ADGRE5: variants seen among roughly 807,000 people sequenced by gnomAD.
ADGRE5 encodes the protein CD97 molecule.
In ADGRE5, 72 loss-of-function variants were observed where a neutral mutation model predicts 100.3. The ratio of observed to expected loss-of-function variants is 0.72; its 90% CI spans 0.59 to 0.87. The LOEUF is 0.87. ADGRE5 is among the 40% of genes least tolerant of loss of function. The probability of loss-of-function intolerance (pLI) is 0.00; values close to 1 mark genes in which losing one functional copy is unlikely to be tolerated. For synonymous variants in ADGRE5, 439 were observed against 447.8 expected (o/e 0.98, Z 0.25); for missense variants, 959 against 1,094.7 (o/e 0.88, Z 1.75).
At chr19:14,384,567 GT>G (rs991258806) in intron 1 of ADGRE5, among the ~76,000 whole-genome samples, 26 of 152,004 alleles carry the variant, frequency 1.7e-4, no homozygotes, top group African/African-American at 5.8e-4. Flanking sequence ...GGGACTGGAC[GT>G]CCCCTCCCAG....
At chr19:14,381,659 G>A in intron 1 of ADGRE5, 114 bp downstream of exon 1, 2 of 1,275,168 alleles carry the variant, frequency 1.6e-6, no homozygotes, top group Non-Finnish European at 2.2e-6. Flanking sequence ...GATAGAGGAA[G>A]CCACATGGTC....
rs1975592655 is a variant in ADGRE5 at position 14,391,252 on chromosome 19, G to A, written c.346+173G>A. Reference sequence around the variant, plus strand: ...CCACCCCAGAGAGGCAGAGTGATGTGAGGATTAAGGGCTGACTCTGGGACC... The same window carrying A: ...CCACCCCAGAGAGGCAGAGTGATGTAAGGATTAAGGGCTGACTCTGGGACC... On this transcript the variant is annotated intron_variant, in intron 4 of 19. Transcript: ENST00000242786. 8 of 802,954 alleles carry A rather than the reference G, an allele frequency of 1.0e-5. No homozygotes were observed. In the South Asian group the frequency reaches 1.1e-4, roughly 11 times the overall value. The allele number at this position is 802,954 out of a possible 1,614,324, so 49.7% of individuals were successfully genotyped here.
intron 1 of ADGRE5, among the ~76,000 whole-genome samples, chr19:14,383,102 C>T (rs1599606203): frequency 2.0e-5 from 3 of 152,228 alleles, no homozygotes; most frequent in African/African-American, 7.2e-5. Flanking sequence ...GCTCAGGAGG[C>T]TGAGGTGGGA....
At chr19:14,398,732 C>T (rs1975888641) in intron 9 of ADGRE5, among the ~76,000 whole-genome samples, 1 of 150,848 alleles carries the variant, frequency 6.6e-6, no homozygotes, top group South Asian at 2.1e-4. Flanking sequence ...TTCAAATCCC[C>T]CCATTGCCAC....
rs1011451693 is a variant in ADGRE5, at chr19:14,401,928, C to G, written c.1183+168C>G. On this transcript the variant is annotated intron_variant, in intron 11 of 19. Transcript: ENST00000242786. The surrounding 1 kb of genome is among the most constrained non-coding windows in gnomAD (Gnocchi z 4.1). The stretch of plus-strand genomic sequence containing the variant: ...GGTAGATCGCTTGAGCTCAGAAGTT[C>G]AAGACCAGCCTGGGCAACATGGTGA... Among the ~76,000 whole-genome samples the G allele has an allele frequency of 1.3e-5, 2 of 152,098 alleles. No homozygotes were observed. Among genetic ancestry groups the G allele is most frequent in the African/African-American group, 4.8e-5 (2 of 41,406 alleles).
At chr19:14,387,734 A>T (rs1219257829) in intron 1 of ADGRE5, among the ~76,000 whole-genome samples, 1 of 151,838 alleles carries the variant, frequency 6.6e-6, no homozygotes, top group African/African-American at 2.4e-5. Flanking sequence ...TTTCAAAAAA[A>T]AAAATTATTT....
At chr19:14,404,630 T>A in intron 13 of ADGRE5, 68 bp downstream of exon 13, 3 of 1,472,768 alleles carry the variant, frequency 2.0e-6, no homozygotes, top group Non-Finnish European at 2.8e-6. Flanking sequence ...GACAGGCAGC[T>A]AGTTCTCCAT....
intron 18 of ADGRE5, among the ~76,000 whole-genome samples, 157 bp downstream of exon 18, chr19:14,407,386 G>A (rs907315493): frequency 6.6e-6 from 1 of 152,036 alleles, no homozygotes; most frequent in Non-Finnish European, 1.5e-5. Context: ...CCAGGGTGAG[G>A]CGCCTGTAAT....
chr19:14,402,952 A>G, intron 12 of ADGRE5, 90 bp downstream of exon 12: 1 of 1,317,520 alleles, frequency 7.6e-7, no homozygotes. Flanking sequence ...TCCCGACGTG[A>G]CTCAGTCTTT....
intron 18 of ADGRE5, 94 bp downstream of exon 18, chr19:14,407,323 C>A: frequency 7.2e-7 from 1 of 1,392,744 alleles, no homozygotes; most frequent in Non-Finnish European, 1.0e-6. Context: ...AAGTTGGAGA[C>A]CAGCCTGGGC....
At chr19:14,386,378 CAAA>C (rs747651350) in intron 1 of ADGRE5, 14 of 13,616 alleles carry the variant, frequency 1.0e-3, no homozygotes, top group Middle Eastern at 0.059. Context: ...GACTCCATCT[CAAA>C]AAAAAAAAAA....
rs1976215270 is a variant in ADGRE5 at position 14,405,999 on chromosome 19, G to T, written c.1821+60G>T. The T allele has an allele frequency of 2.1e-6, 3 of 1,444,142 alleles. No homozygotes were observed. The South Asian group carries it at 3.8e-5, about 18-fold the overall frequency. 89.5% of individuals were successfully genotyped at this position (1,444,142 alleles called of 1,614,324 possible). A position where few individuals can be genotyped will look rare whatever the true frequency, so the allele number is the denominator to read the frequency against. On this transcript the variant is annotated intron_variant, in intron 14 of 19. Transcript: ENST00000242786. ...GGTCAGGGAGGCCTGGGAGGGGTTA[G>T]CCCCGCCCACTCCCGGGGCTCAGTC...
intron 5 of ADGRE5, among the ~76,000 whole-genome samples, 179 bp downstream of exon 5, chr19:14,396,652 G>A (rs1002524577): frequency 1.3e-5 from 2 of 152,256 alleles, no homozygotes; most frequent in Non-Finnish European, 2.9e-5. Flanking sequence ...ACGGCAGGGA[G>A]GCGGCAGGGC....
At chr19:14,397,406 G>A (rs1465801441) in intron 6 of ADGRE5, 183 bp downstream of exon 6, 3 of 792,100 alleles carry the variant, frequency 3.8e-6, no homozygotes, top group South Asian at 1.8e-5. Flanking sequence ...GGGGTACTGA[G>A]GGGGAAGGCT....
chr19:14,397,705 G>C lies in ADGRE5; in HGVS notation c.673G>C (p.Val225Leu), dbSNP rs375872269. ...GCAGCATCAGTGTGACAGCTCCACC[G>C]TCTGCTTCAACACCGTGGGTTCATA... ...SGQHQCDSST[V>L]CFNTVGSYSC... Residue 225 changes from valine (V) to leucine (L), a missense_variant, in exon 7 of 20, where the codon GTC becomes CTC. Physicochemically the swap from Val to Leu is conservative, Grantham distance 32. This residue lies in a region of ADGRE5 where 69 missense variants were observed against 135.0 expected (regional missense o/e 0.51). Transcript: ENST00000242786. 2.0e-6 allele frequency: 3 copies of C among 1,516,954 alleles called. No individual in the cohort carries two copies. The East Asian group carries it at 6.8e-5, about 35-fold the overall frequency. The allele number at this position is 1,516,954 out of a possible 1,614,324, so 94.0% of individuals were successfully genotyped here. A position where few individuals can be genotyped will look rare whatever the true frequency, so the allele number is the denominator to read the frequency against.
chr19:14,404,772 A>G (rs1976155683), intron 13 of ADGRE5: 1 of 530,950 alleles, frequency 1.9e-6, no homozygotes, highest in Non-Finnish European at 3.3e-6. Context: ...TGCAGCCACT[A>G]GCTCCGCTCC....
Position 14,404,550 on chromosome 19 carries a change from T to C in ADGRE5, c.1617T>C (p.His539=). The C allele has an allele frequency of 2.5e-6, 4 of 1,612,812 alleles. No individual in the cohort carries two copies. Among genetic ancestry groups the C allele is most frequent in the Non-Finnish European group, 3.4e-6 (4 of 1,179,552 alleles). ...HLSSFAILMA[H]YDVEDWKLTL... is the part of the protein sequence containing the mutation. ...GCAGCTTTGCGATCCTTATGGCTCA[T>C]TATGACGTGGAGGTAAGTAGCTGGA... is the stretch of plus-strand genomic sequence containing the variant. The change falls in exon 13 of 20, where the codon CAT becomes CAC. Residue 539 remains histidine, a synonymous_variant. Coordinates refer to ENST00000242786, the MANE Select transcript of ADGRE5 (RefSeq NM_078481.4).
rs149838230 is a variant in ADGRE5 at position 14,405,484 on chromosome 19, C to T, written c.1630-264C>T. 5.9e-4 allele frequency: 267 copies of T among 452,036 alleles called. 2 individuals carry two copies. The highest frequency in any genetic ancestry group is 4.0e-3 in the Middle Eastern group (7 of 1,732). 28.0% of individuals were successfully genotyped at this position (452,036 alleles called of 1,614,324 possible). On this transcript the variant is annotated intron_variant, in intron 13 of 19. Transcript: ENST00000242786. ...TGTACGTGACTTCAGTAGGATCCATCGTTAAGCTGGGCCTTGTCGAAAACT... is the reference window on the plus strand; with the variant it reads ...TGTACGTGACTTCAGTAGGATCCATTGTTAAGCTGGGCCTTGTCGAAAACT...
Position 14,402,751 on chromosome 19 carries a change from C to T in ADGRE5, c.1338C>T (p.Asn446=). 6.2e-7 allele frequency: 1 copy of T among 1,614,124 alleles called. No individual in the cohort carries two copies. Among genetic ancestry groups the T allele is most frequent in the Non-Finnish European group, 8.5e-7 (1 of 1,180,030 alleles). Residue 446 remains asparagine, a synonymous_variant, in exon 12 of 20, where the codon AAC becomes AAT. Coordinates refer to ENST00000242786, the MANE Select transcript of ADGRE5 (RefSeq NM_078481.4). Reference sequence around the variant, plus strand: ...AACTCAGACGCCTCTCTGCCGTCAACTCCATCTTTCTGAGCCACAACAACA... The same window carrying T: ...AACTCAGACGCCTCTCTGCCGTCAATTCCATCTTTCTGAGCCACAACAACA... ...GVQLRRLSAV[N]SIFLSHNNTK...
Sources: gnomAD v4.1 joint callset for allele counts (sites outside exome capture counted in the v4.1 genomes callset) on GRCh38, gnomAD v4.1.1 for gene constraint, gnomAD v4.1.1 regional missense constraint, Gnocchi (gnomAD v3.1) non-coding constraint, MANE v1.5 for transcripts, NCBI Gene and HGNC (gene_info 2026-07-23, HGNC 2026-07-21) for gene names.